The following TINAGL1 variants were observed in gnomAD, a reference collection of about 807,000 sequenced individuals.
The protein encoded by TINAGL1 is tubulointerstitial nephritis antigen-like.
A neutral mutation model predicts 62.0 loss-of-function variants in TINAGL1; 34 were observed. The observed-to-expected ratio is 0.55, with a 90% confidence interval of 0.42 to 0.73. The LOEUF is 0.73. Among genes scored for constraint, TINAGL1 ranks in the 30% least tolerant of loss-of-function variants. TINAGL1 has a pLI of 0.00. For missense variants in TINAGL1, 516 were observed against 653.2 expected, an observed-to-expected ratio of 0.79 and a Z score of 2.29; for synonymous variants, 221 against 249.7, an observed-to-expected ratio of 0.88 and a Z score of 1.08.
At position 31,587,068 on chromosome 1, in the gene TINAGL1, C is replaced by G. The variant is rs138261118; in HGVS notation, c.*89C>G. Reference sequence around the variant, plus strand: ...AATGGGGCGGTGACCCCAGCCTCGCCCGACAGAGCCCGGGGCGCAGGCGGG... The same window carrying G: ...AATGGGGCGGTGACCCCAGCCTCGCGCGACAGAGCCCGGGGCGCAGGCGGG... On this transcript the variant is annotated 3_prime_UTR_variant, in exon 12 of 12. Coordinates refer to ENST00000271064, the MANE Select transcript of TINAGL1 (RefSeq NM_022164.3). 7.0e-4 allele frequency: 947 copies of G among 1,349,020 alleles called. 13 individuals carry two copies. The African/African-American group carries it at 0.013, about 18-fold the overall frequency. 83.6% of individuals were successfully genotyped at this position (1,349,020 alleles called of 1,614,324 possible).
At position 31,577,077 on chromosome 1, in the gene TINAGL1, G is replaced by T; in HGVS notation, c.-15-57G>T. On this transcript the variant is annotated intron_variant, in intron 1 of 11. Transcript: ENST00000271064. The surrounding 1 kb of genome is among the most constrained non-coding windows in gnomAD (Gnocchi z 5.4). Reference sequence around the variant, plus strand: ...TGAACTCACAGCTCCAGGAAACTGGGAGACTCATCCCTGGTGTTCCAGGGA... The same window carrying T: ...TGAACTCACAGCTCCAGGAAACTGGTAGACTCATCCCTGGTGTTCCAGGGA... 2 of 1,383,844 alleles carry T rather than the reference G, an allele frequency of 1.4e-6. No homozygotes were observed. Among genetic ancestry groups the T allele is most frequent in the South Asian group, 3.0e-5 (2 of 66,012 alleles). 85.7% of individuals were successfully genotyped at this position (1,383,844 alleles called of 1,614,324 possible). A position where few individuals can be genotyped will look rare whatever the true frequency, so the allele number is the denominator to read the frequency against.
rs1373591342 is a variant in TINAGL1 at position 31,585,744 on chromosome 1, T to C, written c.1094-9T>C. On this transcript the variant is annotated splice_polypyrimidine_tract_variant and intron_variant, in intron 9 of 11. Transcript: ENST00000271064. The surrounding 1 kb of genome is among the most constrained non-coding windows in gnomAD (Gnocchi z 4.3). Reference sequence around the variant, plus strand: ...GCTGAGTGGACCCTACCTTGACATCTGCCCACAGCCCTCATGGAGGTGCAT... The same window carrying C: ...GCTGAGTGGACCCTACCTTGACATCCGCCCACAGCCCTCATGGAGGTGCAT... The C allele has an allele frequency of 6.2e-7, 1 of 1,611,682 alleles. No individual in the cohort carries two copies. Among genetic ancestry groups the C allele is most frequent in the Admixed American group, 1.7e-5 (1 of 59,682 alleles).
rs548193627 is a variant in TINAGL1, at chr1:31,585,141, G to C, written c.858-10G>C. ...CTTTCTGCCTTTGCTCCCTCTTGCT[G>C]CCTTTGCAGGGTGGTGTCTGACCAC... On this transcript the variant is annotated splice_polypyrimidine_tract_variant and intron_variant, in intron 7 of 11. Transcript: ENST00000271064. The surrounding 1 kb of genome is among the most constrained non-coding windows in gnomAD (Gnocchi z 4.3). 5.1e-6 allele frequency: 8 copies of C among 1,569,844 alleles called. No individual in the cohort carries two copies. Among genetic ancestry groups the C allele is most frequent in the African/African-American group, 4.1e-5 (3 of 74,006 alleles).
Position 31,584,302 on chromosome 1 carries a change from GGAAAGCTAAGGCCTGAA to G in TINAGL1, c.583-362_583-346del, listed in dbSNP as rs757806555. On this transcript the variant is annotated intron_variant, in intron 5 of 11. Transcript: ENST00000271064. The surrounding 1 kb of genome is among the most constrained non-coding windows in gnomAD (Gnocchi z 4.0). ...CCTACTGCCTCTTCCCTCCCCTGAG[GGAAAGCTAAGGCCTGAA>G]GAAAGCTAAGGCCGATCAGAAGGTG... 67 of 214,700 alleles carry G rather than the reference GGAAAGCTAAGGCCTGAA, an allele frequency of 3.1e-4. No homozygotes were observed. The highest frequency in any genetic ancestry group is 5.0e-4 in the Non-Finnish European group (53 of 105,480). 13.3% of individuals were successfully genotyped at this position (214,700 alleles called of 1,614,324 possible). A position where few individuals can be genotyped will look rare whatever the true frequency, so the allele number is the denominator to read the frequency against.
Position 31,577,352 on chromosome 1 carries a change from C to G in TINAGL1, c.204C>G (p.Gly68=). Residue 68 remains glycine, a synonymous_variant, in exon 2 of 12, where the codon GGC becomes GGG. Transcript: ENST00000271064. The surrounding 1 kb of genome is among the most constrained non-coding windows in gnomAD (Gnocchi z 5.4). ...ACGACTGTGCCCTGCCCTACCTGGG[C>G]GCCATCTGTTACTGTGACCTCTTCT... is the stretch of plus-strand genomic sequence containing the variant. ...RADDCALPYL[G]AICYCDLFCN... is the part of the protein sequence containing the mutation. 1 of 1,613,978 alleles carries G rather than the reference C, an allele frequency of 6.2e-7. No homozygotes were observed. The highest frequency in any genetic ancestry group is 1.1e-5 in the South Asian group (1 of 91,082).
Position 31,583,577 on chromosome 1 carries a change from T to G in TINAGL1, c.582+2T>G. On this transcript the variant is annotated splice_donor_variant, in intron 5 of 11. Transcript: ENST00000271064. LOFTEE classifies it high-confidence loss of function. The surrounding 1 kb of genome is among the most constrained non-coding windows in gnomAD (Gnocchi z 4.4). The stretch of plus-strand genomic sequence containing the variant: ...GTCATGAACATGCATGAAATTTATG[T>G]AAGTCCATCCTTCCCCACAATGCTG... 1 of 1,610,722 alleles carries G rather than the reference T, an allele frequency of 6.2e-7. No homozygotes were observed. The highest frequency in any genetic ancestry group is 8.5e-7 in the Non-Finnish European group (1 of 1,178,510).
At position 31,583,702 on chromosome 1, in the gene TINAGL1, C is replaced by A. The variant is rs1639309426; in HGVS notation, c.582+127C>A. 1.3e-6 allele frequency: 1 copy of A among 763,814 alleles called. No individual in the cohort carries two copies. Among genetic ancestry groups the A allele is most frequent in the Admixed American group, 2.3e-5 (1 of 43,748 alleles). The allele number at this position is 763,814 out of a possible 1,614,324, so 47.3% of individuals were successfully genotyped here. A position where few individuals can be genotyped will look rare whatever the true frequency, so the allele number is the denominator to read the frequency against. ...TACTACAAGGCTGTGTGTCCCTGGA[C>A]AAGTTACTCCCCTTCTCTGGGCCTC... On this transcript the variant is annotated intron_variant, in intron 5 of 11. Transcript: ENST00000271064. The surrounding 1 kb of genome is among the most constrained non-coding windows in gnomAD (Gnocchi z 4.4).
rs1289955347 is a variant in TINAGL1, at chr1:31,587,026, C to A, written c.*47C>A. 1 of 1,406,100 alleles carries A rather than the reference C, an allele frequency of 7.1e-7. No individual in the cohort carries two copies. The highest frequency in any genetic ancestry group is 9.2e-7 in the Non-Finnish European group (1 of 1,084,818). 87.1% of individuals were successfully genotyped at this position (1,406,100 alleles called of 1,614,324 possible). ...TCCGGCCTGGGATCCAGGCTAAGGG[C>A]CGGCGGAAGAGGCCCCAATGGGGCG... is the stretch of plus-strand genomic sequence containing the variant. On this transcript the variant is annotated 3_prime_UTR_variant, in exon 12 of 12. Coordinates refer to ENST00000271064, the MANE Select transcript of TINAGL1 (RefSeq NM_022164.3).
intron 3 of TINAGL1, among the ~76,000 whole-genome samples, chr1:31,582,276 C>T (rs997207579): frequency 4.0e-5 from 6 of 150,456 alleles, no homozygotes; most frequent in South Asian, 4.2e-4. Context: ...TGCAGTGAGC[C>T]GAGATCACAC....
In TINAGL1 at chr1:31,583,663, C is replaced by G. The variant is rs529984503; in HGVS notation, c.582+88C>G. The G allele has an allele frequency of 5.3e-6, 6 of 1,139,806 alleles. No homozygotes were observed. In the East Asian group the frequency reaches 7.7e-5, roughly 15 times the overall value. The allele number at this position is 1,139,806 out of a possible 1,614,324, so 70.6% of individuals were successfully genotyped here. The stretch of plus-strand genomic sequence containing the variant: ...GCCCTGTGCCCTGCTCCTCCAAGGG[C>G]CTGGACCATCCCCTACTACAAGGCT... On this transcript the variant is annotated intron_variant, in intron 5 of 11. Transcript: ENST00000271064. This position sits in a 1 kb window ranked among gnomAD's most constrained non-coding sequence, Gnocchi z 4.4.
chr1:31,579,605 A>C (rs1639150852), intron 3 of TINAGL1: 1 of 230,986 alleles, frequency 4.3e-6, no homozygotes, highest in Non-Finnish European at 8.5e-6. Context: ...GGGCGCCAGG[A>C]AGGAAAGCTC....
chr1:31,578,420 T>G (rs547100614), intron 2 of TINAGL1, among the ~76,000 whole-genome samples: 1 of 141,302 alleles, frequency 7.1e-6, no homozygotes, highest in African/African-American at 2.7e-5. Flanking sequence ...TATAGTTTAA[T>G]TTTAGTGACA....
chr1:31,580,669 A>G (rs1200740806), intron 3 of TINAGL1: 2 of 1,288,390 alleles, frequency 1.6e-6, no homozygotes, highest in African/African-American at 3.0e-5. Flanking sequence ...TTAAAAGGCA[A>G]CATTGGAGGT....
chr1:31,587,152 C>T lies in TINAGL1; in HGVS notation c.*173C>T, dbSNP rs1639419889. On this transcript the variant is annotated 3_prime_UTR_variant, in exon 12 of 12. Coordinates refer to ENST00000271064, the MANE Select transcript of TINAGL1 (RefSeq NM_022164.3). ...GACGCAGCGCCCCGCCTGGGAGCCGCGGGCAGGCGAGACTGGCGGAGCCCC... is the reference window on the plus strand; with the variant it reads ...GACGCAGCGCCCCGCCTGGGAGCCGTGGGCAGGCGAGACTGGCGGAGCCCC... 1 of 1,061,464 alleles carries T rather than the reference C, an allele frequency of 9.4e-7. No individual in the cohort carries two copies. Among genetic ancestry groups the T allele is most frequent in the Non-Finnish European group, 1.2e-6 (1 of 820,392 alleles). 65.8% of individuals were successfully genotyped at this position (1,061,464 alleles called of 1,614,324 possible).
At position 31,577,505 on chromosome 1, in the gene TINAGL1, G is replaced by C. The variant is rs201218715; in HGVS notation, c.310+47G>C. ...AGGGTGGGTCACTTTGTCCACCTCA[G>C]ACTCAGCAAGGCTCAAGAGCAAAGC... On this transcript the variant is annotated intron_variant, in intron 2 of 11. Coordinates refer to ENST00000271064, the MANE Select transcript of TINAGL1 (RefSeq NM_022164.3). The surrounding 1 kb of genome is among the most constrained non-coding windows in gnomAD (Gnocchi z 5.4). 9.0e-6 allele frequency: 14 copies of C among 1,556,974 alleles called. No homozygotes were observed. Among genetic ancestry groups the C allele is most frequent in the Non-Finnish European group, 1.2e-5 (14 of 1,148,234 alleles).
In TINAGL1 at chr1:31,585,914, G is replaced by T; in HGVS notation, c.1217+38G>T. On this transcript the variant is annotated intron_variant, in intron 10 of 11. Transcript: ENST00000271064. The surrounding 1 kb of genome is among the most constrained non-coding windows in gnomAD (Gnocchi z 4.3). ...TGGGCAGAGGGGGTTTGGGACAGCA[G>T]GGTTTGTGCTAGGGGCTCTGGAGCC... 1 of 1,545,130 alleles carries T rather than the reference G, an allele frequency of 6.5e-7. No individual in the cohort carries two copies. Among genetic ancestry groups the T allele is most frequent in the East Asian group, 2.4e-5 (1 of 41,268 alleles).
chr1:31,583,135 C>T lies in TINAGL1; in HGVS notation c.375-14C>T, dbSNP rs773946554. 1.2e-6 allele frequency: 2 copies of T among 1,613,738 alleles called. No homozygotes were observed. Among genetic ancestry groups the T allele is most frequent in the South Asian group, 2.2e-5 (2 of 91,062 alleles). On this transcript the variant is annotated splice_polypyrimidine_tract_variant and intron_variant, in intron 3 of 11. Coordinates refer to ENST00000271064, the MANE Select transcript of TINAGL1 (RefSeq NM_022164.3). The surrounding 1 kb of genome is among the most constrained non-coding windows in gnomAD (Gnocchi z 4.4). ...TCCCCCACTTACCCTTTCCTTCTCT[C>T]CTTTTCTCACCAGCACCTGCCAGGA...
intron 3 of TINAGL1, among the ~76,000 whole-genome samples, chr1:31,582,071 G>A (rs985067687): frequency 6.6e-6 from 1 of 152,244 alleles, no homozygotes; most frequent in South Asian, 2.1e-4. Context: ...GCTCACACCT[G>A]TAAATCTCAG....
chr1:31,584,795 A>T lies in TINAGL1; in HGVS notation c.700A>T (p.Thr234Ser). The stretch of plus-strand genomic sequence containing the variant: ...CTGTGCAGGCTCCTGGGCCTTCTCC[A>T]CAGCAGGTAAGCCAAGGGCAAGGGC... ...GNCAGSWAFS[T>S]AAVASDRVSI... Residue 234 changes from threonine to serine, a missense_variant, in exon 6 of 12, where the codon ACA (threonine) becomes TCA (serine). Physicochemically the swap from Thr to Ser is moderately conservative, Grantham distance 58 (BLOSUM62 1). Coordinates refer to ENST00000271064, the MANE Select transcript of TINAGL1 (RefSeq NM_022164.3). This position sits in a 1 kb window ranked among gnomAD's most constrained non-coding sequence, Gnocchi z 4.0. 1 of 1,614,220 alleles carries T rather than the reference A, an allele frequency of 6.2e-7. No homozygotes were observed. Among genetic ancestry groups the T allele is most frequent in the Non-Finnish European group, 8.5e-7 (1 of 1,180,028 alleles).
Sources: allele counts gnomAD v4.1 joint callset (sites outside exome capture counted in the v4.1 genomes callset), GRCh38; gene constraint gnomAD v4.1.1; non-coding constraint Gnocchi (gnomAD v3.1); transcripts MANE v1.5; gene names NCBI Gene and HGNC (gene_info 2026-07-23, HGNC 2026-07-21).